TEF: variants seen among roughly 807,000 people sequenced by gnomAD.
TEF encodes thyrotroph embryonic factor.
A neutral mutation model predicts 20.8 loss-of-function variants in TEF; 3 were observed. The ratio of observed to expected loss-of-function variants is 0.14; its 90% CI spans 0.07 to 0.37. The LOEUF (loss-of-function observed/expected upper bound fraction) is 0.37. Ranked by LOEUF, TEF falls within the 10% of genes least tolerant of loss-of-function variation. TEF has a pLI of 1.00. For synonymous variants in TEF, 180 were observed against 171.1 expected (o/e 1.05, Z -0.41); for missense variants, 296 against 397.9 (o/e 0.74, Z 2.18).
upstream of TEF, among the ~76,000 whole-genome samples, chr22:41,379,399 C>G (rs576557274): frequency 6.6e-6 from 1 of 152,092 alleles, no homozygotes; most frequent in South Asian, 2.1e-4. Context: ...CCCAGCTACT[C>G]AGGAGGCTGA....
At chr22:41,376,560 G>A (rs1056796285) in intron 1 of TEF, among the ~76,000 whole-genome samples, 2 of 152,220 alleles carry the variant, frequency 1.3e-5, no homozygotes, top group African/African-American at 4.8e-5. Context: ...CTAGTTAGCA[G>A]GTTTCTGGAA....
At chr22:41,374,487 A>C (rs2036916649) in intron 1 of TEF, among the ~76,000 whole-genome samples, 1 of 151,538 alleles carries the variant, frequency 6.6e-6, no homozygotes, top group Non-Finnish European at 1.5e-5. Context: ...AGGAGGCAGA[A>C]CTTGCAGTGA....
intron 2 of TEF, 115 bp from the exon 3 acceptor site, chr22:41,393,981 C>A (rs1275279278): frequency 1.1e-6 from 1 of 871,118 alleles, no homozygotes; most frequent in Non-Finnish European, 1.8e-6. Flanking sequence ...TTTTCTTCTC[C>A]CCAGGCGGCA....
chr22:41,367,526 C>T (rs776013586), exon 1 of TEF: 2 of 1,550,840 alleles, frequency 1.3e-6, no homozygotes, highest in East Asian at 4.9e-5. Flanking sequence ...TCTCAGTGGC[C>T]CCTGCCATGG....
upstream of TEF, among the ~76,000 whole-genome samples, chr22:41,378,167 T>C (rs1322918381): frequency 2.2e-5 from 3 of 138,570 alleles, no homozygotes; most frequent in East Asian, 6.0e-4. Flanking sequence ...TTAGCTTCCT[T>C]TTTTTTTTTT....
upstream of TEF, among the ~76,000 whole-genome samples, chr22:41,381,711 C>T (rs989759917): frequency 6.6e-6 from 1 of 152,022 alleles, no homozygotes; most frequent in Admixed American, 6.5e-5. Context: ...ACAGGGGCGG[C>T]GGGGCGGGGC....
rs745636578 is a variant in TEF, at chr22:41,394,174, C to T, written c.554C>T (p.Pro185Leu). The change falls in exon 3 of 4, where the codon CCG becomes CTG. Residue 185 changes from proline to leucine, a missense_variant. Physicochemically the swap from Pro to Leu is moderately conservative, Grantham distance 98 (BLOSUM62 -3). Around this residue, in one of 2 missense-constraint regions of TEF, gnomAD observed 194 missense variants for 317.8 expected, o/e 0.61. Coordinates refer to ENST00000266304, the MANE Select transcript of TEF (RefSeq NM_003216.4). ...NCVEVDVNFN[P>L]DPADLVLSSV... Reference sequence around the variant, plus strand: ...GTGGAAGTGGATGTGAACTTCAATCCGGACCCCGCCGACCTGGTGCTCTCC... The same window carrying T: ...GTGGAAGTGGATGTGAACTTCAATCTGGACCCCGCCGACCTGGTGCTCTCC... 1.4e-5 allele frequency: 22 copies of T among 1,613,960 alleles called. No homozygotes were observed. Among genetic ancestry groups the T allele is most frequent in the East Asian group, 2.2e-5 (1 of 44,894 alleles).
At chr22:41,391,746 C>T (rs1178822847) in intron 2 of TEF, among the ~76,000 whole-genome samples, 1 of 152,030 alleles carries the variant, frequency 6.6e-6, no homozygotes, top group Admixed American at 6.6e-5. Flanking sequence ...CCTCAGTCTC[C>T]TGAGTAGCTG....
At chr22:41,370,225 C>T (rs2036866566) in intron 1 of TEF, 1 of 444,034 alleles carries the variant, frequency 2.3e-6, no homozygotes, top group East Asian at 1.6e-4. Context: ...AGCAATTCTC[C>T]TGCCTCAGCT....
At chr22:41,377,680 C>G (rs1461831158), upstream of TEF, among the ~76,000 whole-genome samples, 1 of 152,198 alleles carries the variant, frequency 6.6e-6, no homozygotes, top group Non-Finnish European at 1.5e-5. Flanking sequence ...ATGTAGCTAA[C>G]CCCTCACAGC....
chr22:41,396,590 G>A lies in TEF; in HGVS notation c.*630G>A, dbSNP rs901050927. ...GGCCTGCAGCAGAAGTGTGCCCAGC[G>A]TTTCTCGGCTCCCGCACCCCTTTTC... On this transcript the variant is annotated 3_prime_UTR_variant, in exon 4 of 4. Transcript: ENST00000266304. 13 of 194,526 alleles carry A rather than the reference G, an allele frequency of 6.7e-5. No individual in the cohort carries two copies. The highest frequency in any genetic ancestry group is 1.6e-4 in the African/African-American group (7 of 43,158). 12.0% of individuals were successfully genotyped at this position (194,526 alleles called of 1,614,324 possible).
At chr22:41,387,774 G>T (rs1455755360) in intron 2 of TEF, 106 bp downstream of exon 2, 3 of 1,204,356 alleles carry the variant, frequency 2.5e-6, no homozygotes, top group Non-Finnish European at 2.3e-6. Context: ...TTCTCTGAGG[G>T]GAGGTCCTGG....
chr22:41,370,803 G>A (rs774756097), intron 1 of TEF, among the ~76,000 whole-genome samples: 5 of 152,102 alleles, frequency 3.3e-5, no homozygotes, highest in East Asian at 1.9e-4. Flanking sequence ...AGCCCAGCCC[G>A]TGTAGACCTT....
At chr22:41,386,255 A>G (rs954583599) in intron 1 of TEF, among the ~76,000 whole-genome samples, 2 of 152,180 alleles carry the variant, frequency 1.3e-5, no homozygotes, top group African/African-American at 4.8e-5. Flanking sequence ...TCTGGCCAAC[A>G]TGTTGAAACC....
intron 1 of TEF, chr22:41,370,009 G>C: frequency 1.0e-6 from 1 of 985,442 alleles, no homozygotes; most frequent in South Asian, 4.7e-5. Context: ...TCCAGTGGGA[G>C]GGAAGTGTAC....
At chr22:41,393,991 A>G (rs2145991647) in intron 2 of TEF, 105 bp from the exon 3 acceptor site, 1 of 998,792 alleles carries the variant, frequency 1.0e-6, no homozygotes, top group Non-Finnish European at 1.5e-6. Flanking sequence ...CCCAGGCGGC[A>G]GTGGCTTATG....
chr22:41,375,567 A>G lies in TEF; in HGVS notation c.67+7968A>G, dbSNP rs569670623. Among the ~76,000 whole-genome samples the G allele has an allele frequency of 2.8e-3, 419 of 152,234 alleles. 3 individuals are homozygous for G. Among genetic ancestry groups the G allele is most frequent in the African/African-American group, 9.2e-3 (384 of 41,532 alleles). The stretch of plus-strand genomic sequence containing the variant: ...AGATCGAGGCCATGCTGGCTAACAC[A>G]GTGAAACCCCGTCTCTACTATAAAT... On this transcript the variant is annotated intron_variant, in intron 1 of 3. Transcript: ENST00000406644.
chr22:41,379,468 T>C (rs868738565), upstream of TEF, among the ~76,000 whole-genome samples: 1 of 151,798 alleles, frequency 6.6e-6, no homozygotes, highest in East Asian at 1.9e-4. Context: ...GATCCCGCCA[T>C]TGCACTCCAG....
rs539557843 is a variant in TEF at position 41,382,216 on chromosome 22, G to C, written c.157+15G>C. 3 of 1,227,992 alleles carry C rather than the reference G, an allele frequency of 2.4e-6. No individual in the cohort carries two copies. The highest frequency in any genetic ancestry group is 1.6e-5 in the African/African-American group (1 of 64,072). The allele number at this position is 1,227,992 out of a possible 1,614,324, so 76.1% of individuals were successfully genotyped here. A position where few individuals can be genotyped will look rare whatever the true frequency, so the allele number is the denominator to read the frequency against. Reference sequence around the variant, plus strand: ...GGCGCGCCTCGGTGAGGGCGGGGGGGTGGTCCGCGCGGGCTGGGGGCGGGG... The same window carrying C: ...GGCGCGCCTCGGTGAGGGCGGGGGGCTGGTCCGCGCGGGCTGGGGGCGGGG... On this transcript the variant is annotated intron_variant, in intron 1 of 3. Coordinates refer to ENST00000266304, the MANE Select transcript of TEF (RefSeq NM_003216.4).
Sources: gnomAD v4.1 joint callset for allele counts (sites outside exome capture counted in the v4.1 genomes callset) on GRCh38, gnomAD v4.1.1 for gene constraint, gnomAD v4.1.1 regional missense constraint, MANE v1.5 for transcripts, NCBI Gene and HGNC (gene_info 2026-07-23, HGNC 2026-07-21) for gene names.